Variants in NLRP11 observed in about 807,000 individuals in gnomAD.
NLRP11 encodes NLR family pyrin domain containing 11.
In NLRP11, 53 loss-of-function variants were observed where a neutral mutation model predicts 79.3. The observed-to-expected ratio is 0.67, with a 90% confidence interval of 0.54 to 0.84. The LOEUF is 0.84. NLRP11 is among the 40% of genes least tolerant of loss of function. The probability of loss-of-function intolerance (pLI) is 0.00; values close to 1 mark genes in which losing one functional copy is unlikely to be tolerated. For missense variants in NLRP11, 1,264 were observed against 1,255.0 expected (o/e 1.01, Z -0.11); for synonymous variants, 518 against 462.6 (o/e 1.12, Z -1.54).
chr19:55,829,337 G>A (rs903382654), intron 1 of NLRP11, among the ~76,000 whole-genome samples: 2 of 151,802 alleles, frequency 1.3e-5, no homozygotes, highest in Non-Finnish European at 2.9e-5. Flanking sequence ...AGATATTTCC[G>A]GTGCATTATT....
At chr19:55,833,594 G>T (rs10403225), upstream of NLRP11, among the ~76,000 whole-genome samples, 13 of 151,504 alleles carry the variant, frequency 8.6e-5, no homozygotes, top group Admixed American at 2.0e-4. Flanking sequence ...TGAAACCCCC[G>T]TCTCTACCAA....
chr19:55,818,200 T>A, exon 2 of NLRP11: 1 of 1,593,802 alleles, frequency 6.3e-7, no homozygotes, highest in East Asian at 2.2e-5. Context: ...AAGGCAGACT[T>A]CAGAGAAGGG....
intron 2 of NLRP11, among the ~76,000 whole-genome samples, chr19:55,813,449 T>A (rs1330535841): frequency 6.6e-6 from 1 of 152,202 alleles, no homozygotes; most frequent in African/African-American, 2.4e-5. Context: ...CAATTTCCTG[T>A]CCCAAATTCC....
At chr19:55,791,215 C>A (rs1223406721) in intron 7 of NLRP11, among the ~76,000 whole-genome samples, 1 of 152,132 alleles carries the variant, frequency 6.6e-6, no homozygotes, top group Non-Finnish European at 1.5e-5. Flanking sequence ...AAAAAGGTTT[C>A]TAACCCCTAT....
chr19:55,789,048 A>C, intron 8 of NLRP11, 71 bp from the exon 9 acceptor site: 3 of 1,539,572 alleles, frequency 1.9e-6, no homozygotes, highest in Admixed American at 3.4e-5. Flanking sequence ...ATGGGTGAGA[A>C]CTGGACATCT....
rs930725866 is a variant in NLRP11, at chr19:55,806,140, A to T, written c.2003+1713T>A. Reference sequence around the variant, plus strand: ...TTTCTCCCCAATCACTTTATGTTGGAGAACTCCGGGCATCAGTCTTTGGAT... The same window carrying T: ...TTTCTCCCCAATCACTTTATGTTGGTGAACTCCGGGCATCAGTCTTTGGAT... On this transcript the variant is annotated intron_variant, in intron 4 of 9. Coordinates refer to ENST00000589093, the Ensembl canonical transcript of NLRP11. Among the ~76,000 whole-genome samples the T allele has an allele frequency of 2.0e-5, 3 of 152,196 alleles. No individual in the cohort carries two copies. In the East Asian group the frequency reaches 5.8e-4, roughly 29 times the overall value.
At chr19:55,810,509 T>C (rs932735685) in intron 2 of NLRP11, among the ~76,000 whole-genome samples, 171 bp from the exon 3 acceptor site, 2 of 152,244 alleles carry the variant, frequency 1.3e-5, no homozygotes, top group Non-Finnish European at 2.9e-5. Context: ...ATGTTGCTTG[T>C]TTTTGAGATG....
At chr19:55,817,874 T>C in intron 2 of NLRP11, 30 bp downstream of exon 2, 2 of 1,562,484 alleles carry the variant, frequency 1.3e-6, no homozygotes, top group South Asian at 2.4e-5. Flanking sequence ...TGCCCTGATT[T>C]CTGCCCACCC....
chr19:55,807,172 A>T (rs867253042), intron 4 of NLRP11, among the ~76,000 whole-genome samples: 4 of 152,248 alleles, frequency 2.6e-5, no homozygotes, highest in Middle Eastern at 3.4e-3. Context: ...CCTCAAACAA[A>T]GTAGGCATTC....
At chr19:55,806,396 G>A (rs1324573395) in intron 4 of NLRP11, among the ~76,000 whole-genome samples, 1 of 152,120 alleles carries the variant, frequency 6.6e-6, no homozygotes, top group African/African-American at 2.4e-5. Context: ...CCAACTCAGT[G>A]GCAACTCTCA....
intron 2 of NLRP11, among the ~76,000 whole-genome samples, chr19:55,814,158 G>T (rs891267826): frequency 2.5e-4 from 38 of 151,980 alleles, no homozygotes; most frequent in African/African-American, 8.0e-4. Context: ...ACAGAAGCGT[G>T]AACCCTATTG....
chr19:55,815,334 G>C (rs1178180812), intron 2 of NLRP11, among the ~76,000 whole-genome samples: 1 of 152,030 alleles, frequency 6.6e-6, no homozygotes, highest in Non-Finnish European at 1.5e-5. Context: ...TTCAAGACCA[G>C]CCTGGCCAAC....
intron 1 of NLRP11, among the ~76,000 whole-genome samples, chr19:55,827,416 G>A (rs911558604): frequency 2.0e-5 from 3 of 150,492 alleles, no homozygotes; most frequent in Non-Finnish European, 4.4e-5. Context: ...TTGACAAATG[G>A]GATCTAATTA....
chr19:55,808,837 C>T (rs903574601), exon 3 of NLRP11: 2 of 1,613,760 alleles, frequency 1.2e-6, no homozygotes, highest in East Asian at 2.2e-5. Flanking sequence ...TAAGTGTCCT[C>T]AGGTGACAGC....
intron 3 of NLRP11, 92 bp downstream of exon 3, chr19:55,808,677 C>A: frequency 8.6e-7 from 1 of 1,157,246 alleles, no homozygotes; most frequent in Non-Finnish European, 1.2e-6. Flanking sequence ...TTCTTCATGG[C>A]CCCGAGTTTG....
At chr19:55,818,075 T>C in exon 2 of NLRP11, 1 of 1,614,168 alleles carries the variant, frequency 6.2e-7, no homozygotes, top group Non-Finnish European at 8.5e-7. Context: ...AAATCAAGAA[T>C]CTTGCGTGCC....
chr19:55,792,034 C>CG (rs5828642), intron 7 of NLRP11, among the ~76,000 whole-genome samples: 96,857 of 151,958 alleles, frequency 0.64, 31,745 homozygotes, highest in Non-Finnish European at 0.72. Flanking sequence ...TATGTCCACC[C>CG]GGGGCAGGGG....
chr19:55,817,813 C>T, intron 2 of NLRP11, 91 bp downstream of exon 2: 1 of 960,840 alleles, frequency 1.0e-6, no homozygotes. Context: ...TCCCAGAAAC[C>T]TATTTAGAAA....
At chr19:55,795,740 G>A (rs528556083) in intron 6 of NLRP11, among the ~76,000 whole-genome samples, 5 of 152,034 alleles carry the variant, frequency 3.3e-5, no homozygotes, top group South Asian at 4.2e-4. Context: ...CGCCTGCCTC[G>A]GCCTCCCAAA....
Sources: allele counts gnomAD v4.1 joint callset (sites outside exome capture counted in the v4.1 genomes callset), GRCh38; gene constraint gnomAD v4.1.1; transcripts MANE v1.5; gene names NCBI Gene and HGNC (gene_info 2026-07-23, HGNC 2026-07-21).